PLA2G4E: variants seen among roughly 807,000 people sequenced by gnomAD.
PLA2G4E encodes cytosolic phospholipase A2 epsilon.
In PLA2G4E, 84 loss-of-function variants were observed where a neutral mutation model predicts 109.1. The observed-to-expected ratio is 0.77, with a 90% CI of 0.65 to 0.92. PLA2G4E has a LOEUF of 0.92. Among genes scored for constraint, PLA2G4E ranks in the 40% least tolerant of loss-of-function variants. PLA2G4E has a pLI of 0.00. For missense variants in PLA2G4E, 1,057 were observed against 1,076.6 expected, an observed-to-expected ratio of 0.98 and a Z score of 0.25; for synonymous variants, 469 against 436.1, an observed-to-expected ratio of 1.08 and a Z score of -0.94.
In PLA2G4E at chr15:42,033,726, G is replaced by A. The variant is rs913604239; in HGVS notation, c.183+16795C>T. On this transcript the variant is annotated intron_variant, in intron 1 of 19. Coordinates refer to ENST00000399518, the Ensembl canonical transcript of PLA2G4E. ...GTCCTCTGGTCTGTGAGGAGCAGGA[G>A]AGGGACAAGAGCCACCACCTGGCAC... Among the ~76,000 whole-genome samples the A allele has an allele frequency of 4.6e-5, 7 of 152,310 alleles. No homozygotes were observed. The East Asian group carries it at 1.4e-3, about 29-fold the overall frequency.
intron 14 of PLA2G4E, 37 bp downstream of exon 14, chr15:41,990,083 CT>C (rs772758542): frequency 3.2e-6 from 5 of 1,571,204 alleles, no homozygotes; most frequent in African/African-American, 1.4e-5. Context: ...AAGTCCCCCC[CT>C]CCACCCCACT....
chr15:41,988,274 G>A (rs1366546409), intron 15 of PLA2G4E, 118 bp from the exon 16 acceptor site: 8 of 674,070 alleles, frequency 1.2e-5, no homozygotes, highest in Admixed American at 1.1e-4. Context: ...CTCCACAGGC[G>A]GGACAGACTT....
chr15:41,985,398 C>G (rs1048355733), intron 18 of PLA2G4E, among the ~76,000 whole-genome samples: 1 of 152,216 alleles, frequency 6.6e-6, no homozygotes, highest in South Asian at 2.1e-4. Context: ...GTGCCCTCCT[C>G]TCTCGCCAGG....
rs74008904 is a variant in PLA2G4E at position 42,007,905 on chromosome 15, G to A, written c.257-40C>T. On this transcript the variant is annotated intron_variant, in intron 2 of 19. Transcript: ENST00000399518. ...TAAGTGGAACCAATCCAGGTTCAGA[G>A]AGAACATGTGGAGTCAAAAGGGAAC... The A allele has an allele frequency of 3.0e-3, 4,694 of 1,570,640 alleles. 130 individuals carry two copies. The African/African-American group carries it at 0.055, about 18-fold the overall frequency.
intron 1 of PLA2G4E, among the ~76,000 whole-genome samples, chr15:42,035,921 C>T (rs536476079): frequency 6.6e-6 from 1 of 152,324 alleles, no homozygotes; most frequent in African/African-American, 2.4e-5. Context: ...CTGAGCTATA[C>T]TTGGAATTAT....
chr15:41,989,444 A>G (rs372050571), exon 15 of PLA2G4E: 9 of 1,613,882 alleles, frequency 5.6e-6, no homozygotes, highest in Non-Finnish European at 7.6e-6. Context: ...AGACTCCGGG[A>G]TCCTCTTCAC....
At chr15:42,012,358 G>C (rs2068544308) in intron 2 of PLA2G4E, among the ~76,000 whole-genome samples, 1 of 152,112 alleles carries the variant, frequency 6.6e-6, no homozygotes, top group Non-Finnish European at 1.5e-5. Context: ...TACCTGGCTT[G>C]TCTCCTCTCT....
At chr15:42,021,707 A>C (rs974269750) in intron 1 of PLA2G4E, among the ~76,000 whole-genome samples, 3 of 152,114 alleles carry the variant, frequency 2.0e-5, no homozygotes, top group Non-Finnish European at 4.4e-5. Flanking sequence ...CCCCGCCCAG[A>C]TGATTCCTAT....
chr15:41,990,286 G>A, intron 13 of PLA2G4E, 51 bp from the exon 14 acceptor site: 1 of 1,521,604 alleles, frequency 6.6e-7, no homozygotes. Flanking sequence ...GAGGGTGAGG[G>A]AGGCAGTGCA....
intron 15 of PLA2G4E, 51 bp from the exon 16 acceptor site, chr15:41,988,207 A>C: frequency 7.3e-7 from 1 of 1,375,734 alleles, no homozygotes; most frequent in Admixed American, 2.0e-5. Flanking sequence ...CCCAGGCCCC[A>C]CACTGACATT....
intron 1 of PLA2G4E, among the ~76,000 whole-genome samples, chr15:42,033,669 C>T (rs970145874): frequency 1.3e-5 from 2 of 152,168 alleles, no homozygotes; most frequent in African/African-American, 2.4e-5. Flanking sequence ...AGGCTGAACA[C>T]ATGGATGATC....
At chr15:41,992,403 C>T (rs535738398) in intron 13 of PLA2G4E, among the ~76,000 whole-genome samples, 10 of 152,298 alleles carry the variant, frequency 6.6e-5, no homozygotes, top group African/African-American at 2.2e-4. Context: ...GTCAGACTCG[C>T]TTCATGGCGT....
chr15:41,984,602 A>C, exon 19 of PLA2G4E: 1 of 1,604,806 alleles, frequency 6.2e-7, no homozygotes, highest in Non-Finnish European at 8.5e-7. Flanking sequence ...TGCAGTACTC[A>C]CAGGTTTGTT....
intron 12 of PLA2G4E, 107 bp downstream of exon 12, chr15:41,995,253 G>A: frequency 1.4e-6 from 2 of 1,414,908 alleles, no homozygotes; most frequent in Non-Finnish European, 9.6e-7. Flanking sequence ...CAGGCTTCAG[G>A]AGTCACTTTG....
At chr15:41,981,683 C>T (rs1028477589) in exon 20 of PLA2G4E, 2 of 152,230 alleles carry the variant, frequency 1.3e-5, no homozygotes, top group Non-Finnish European at 2.9e-5. Flanking sequence ...CTGCCTTCGC[C>T]TTACGATAAA....
At chr15:41,992,881 A>G (rs369711166) in exon 13 of PLA2G4E, 36 of 1,613,850 alleles carry the variant, frequency 2.2e-5, no homozygotes, top group Non-Finnish European at 3.0e-5. Context: ...CCTTTACCAC[A>G]TGTCTCCGAG....
chr15:42,029,404 T>G (rs2141070192), intron 1 of PLA2G4E, among the ~76,000 whole-genome samples: 1 of 152,252 alleles, frequency 6.6e-6, no homozygotes, highest in South Asian at 2.1e-4. Flanking sequence ...CCCTTTTCAT[T>G]CTCAAAGCAC....
exon 20 of PLA2G4E, chr15:41,983,211 C>G (rs1412679643): frequency 6.5e-6 from 1 of 154,904 alleles, no homozygotes; most frequent in Non-Finnish European, 1.4e-5. Context: ...TTGCAGTGAG[C>G]CGAGATCGCG....
chr15:41,997,403 T>C, intron 10 of PLA2G4E, 144 bp from the exon 11 acceptor site: 1 of 919,496 alleles, frequency 1.1e-6, no homozygotes. Context: ...CTTTCCCATC[T>C]GTAAAGTGGG....
Sources: allele counts gnomAD v4.1 joint callset (sites outside exome capture counted in the v4.1 genomes callset), GRCh38; gene constraint gnomAD v4.1.1; transcripts MANE v1.5; gene names NCBI Gene and HGNC (gene_info 2026-07-23, HGNC 2026-07-21).